Variants in XPOT observed in about 807,000 individuals in gnomAD.
XPOT encodes exportin for tRNA.
XPOT carries 34 observed loss-of-function variants against 128.2 expected under a neutral mutation model. That is an observed-to-expected ratio of 0.27 (90% CI 0.20 to 0.35). XPOT has a LOEUF of 0.35. Ranked by LOEUF, XPOT falls within the 10% of genes least tolerant of loss-of-function variation. The pLI, the probability that XPOT is intolerant of heterozygous loss-of-function variation, is 1.00. For synonymous variants in XPOT, 348 were observed against 394.3 expected (o/e 0.88, Z 1.39); for missense variants, 838 against 1,125.3 (o/e 0.74, Z 3.65).
chr12:64,444,034 TAAATG>T (rs1174647573), intron 23 of XPOT, among the ~76,000 whole-genome samples: 1 of 152,244 alleles, frequency 6.6e-6, no homozygotes, highest in African/African-American at 2.4e-5. Flanking sequence ...TCCAGATTGC[TAAATG>T]AAATAAAATT....
At chr12:64,412,237 G>C (rs1416188296) in intron 2 of XPOT, among the ~76,000 whole-genome samples, 1 of 151,986 alleles carries the variant, frequency 6.6e-6, no homozygotes, top group Non-Finnish European at 1.5e-5. Flanking sequence ...ATGTTGGTCA[G>C]GCTGGTCTCA....
At chr12:64,443,656 T>C (rs908032715) in intron 23 of XPOT, among the ~76,000 whole-genome samples, 3 of 152,060 alleles carry the variant, frequency 2.0e-5, no homozygotes, top group Admixed American at 2.0e-4. Flanking sequence ...GGTTCCACCA[T>C]GTTGGCTAGG....
Position 64,421,350 on chromosome 12 carries a change from A to G in XPOT, c.959A>G (p.Glu320Gly). ...AATGGGGATATTAAGAATGCTCAAGAGGCACTACAAGCTATTGAAACAAAA... is the reference window on the plus strand; with the variant it reads ...AATGGGGATATTAAGAATGCTCAAGGGGCACTACAAGCTATTGAAACAAAA... ...IKNGDIKNAQ[E>G]ALQAIETKVA... The change falls in exon 9 of 25, where the codon GAG (glutamate) becomes GGG (glycine). Residue 320 changes from glutamate (E) to glycine (G), a missense_variant. Physicochemically the swap from Glu to Gly is moderately conservative, Grantham distance 98. Coordinates refer to ENST00000332707, the MANE Select transcript of XPOT (RefSeq NM_007235.6). The G allele has an allele frequency of 1.2e-6, 2 of 1,613,970 alleles. No individual in the cohort carries two copies. Among genetic ancestry groups the G allele is most frequent in the South Asian group, 1.1e-5 (1 of 91,070 alleles).
At chr12:64,410,175 C>A in intron 2 of XPOT, 80 bp downstream of exon 2, 3 of 1,347,414 alleles carry the variant, frequency 2.2e-6, no homozygotes, top group Non-Finnish European at 3.1e-6. Context: ...ATGCACCTGG[C>A]AAAAGTTTAC....
At chr12:64,416,783 G>A in intron 4 of XPOT, 29 bp downstream of exon 4, 2 of 1,574,198 alleles carry the variant, frequency 1.3e-6, no homozygotes, top group Middle Eastern at 1.7e-4. Flanking sequence ...TTTTGACTCA[G>A]ATTTGCGGGG....
In XPOT at chr12:64,431,562, C is replaced by T. The variant is rs1199234725; in HGVS notation, c.2001C>T (p.Asn667=). Residue 667 remains asparagine, a synonymous_variant, in exon 18 of 25, where the codon AAC becomes AAT. Coordinates refer to ENST00000332707, the MANE Select transcript of XPOT (RefSeq NM_007235.6). ...FASRTSKAFS[N]KQTVKQCGCS... is the part of the protein sequence containing the mutation. ...GTCGAACCAGTAAAGCTTTCAGCAA[C>T]AAACAGACTGTGAAACAATGTGGCT... 6.2e-7 allele frequency: 1 copy of T among 1,613,854 alleles called. No individual in the cohort carries two copies. The highest frequency in any genetic ancestry group is 1.7e-5 in the Admixed American group (1 of 60,006).
At chr12:64,412,641 A>G (rs1329428162) in intron 2 of XPOT, among the ~76,000 whole-genome samples, 1 of 152,210 alleles carries the variant, frequency 6.6e-6, no homozygotes, top group East Asian at 1.9e-4. Flanking sequence ...CTGTTTTCCA[A>G]TACCAACAAC....
chr12:64,411,743 T>C (rs1179480737), intron 2 of XPOT, among the ~76,000 whole-genome samples: 1 of 152,182 alleles, frequency 6.6e-6, no homozygotes, highest in Admixed American at 6.5e-5. Context: ...GAAGAATGAC[T>C]GTCTGCCAAC....
At chr12:64,406,219 G>T (rs1472878259) in intron 1 of XPOT, among the ~76,000 whole-genome samples, 1 of 151,802 alleles carries the variant, frequency 6.6e-6, no homozygotes. Flanking sequence ...GGGATTACAG[G>T]CGCAGGCCAC....
rs1188068010 is a variant in XPOT, at chr12:64,428,083, T to C, written c.1700T>C (p.Leu567Ser). The C allele has an allele frequency of 6.3e-7, 1 of 1,576,168 alleles. No homozygotes were observed. Among genetic ancestry groups the C allele is most frequent in the South Asian group, 1.1e-5 (1 of 90,014 alleles). ...ATGAATCCTTTCATTGAGGATATTT[T>C]GAATAGAATACAAGATTTATTAGAG... ...KQMNPFIEDI[L>S]NRIQDLLELS... Residue 567 changes from leucine (L) to serine (S), a missense_variant, in exon 16 of 25, where the codon TTG becomes TCG. Physicochemically the swap from Leu to Ser is moderately radical, Grantham distance 145. Coordinates refer to ENST00000332707, the MANE Select transcript of XPOT (RefSeq NM_007235.6).
At chr12:64,438,659 G>A (rs932539181) in intron 22 of XPOT, among the ~76,000 whole-genome samples, 9 of 148,594 alleles carry the variant, frequency 6.1e-5, no homozygotes, top group African/African-American at 1.0e-4. Context: ...ACAGAGTCTC[G>A]CTCTGTCACC....
chr12:64,416,837 C>G (rs2040092059), intron 4 of XPOT, 83 bp downstream of exon 4: 1 of 1,194,762 alleles, frequency 8.4e-7, no homozygotes, highest in Non-Finnish European at 1.2e-6. Flanking sequence ...CATAAGGAAA[C>G]CATAATACAG....
At chr12:64,427,691 C>T (rs1166318374) in intron 15 of XPOT, among the ~76,000 whole-genome samples, 3 of 152,024 alleles carry the variant, frequency 2.0e-5, no homozygotes, top group Non-Finnish European at 2.9e-5. Context: ...ATCAGTCTCA[C>T]CACATTGCCC....
intron 3 of XPOT, 90 bp from the exon 4 acceptor site, chr12:64,416,608 T>C (rs993845224): frequency 9.8e-7 from 1 of 1,024,852 alleles, no homozygotes; most frequent in African/African-American, 1.6e-5. Context: ...TGAGAAACTT[T>C]TCTGCTGTAT....
intron 15 of XPOT, among the ~76,000 whole-genome samples, 156 bp downstream of exon 15, chr12:64,426,065 C>T (rs190370786): frequency 8.0e-4 from 122 of 152,094 alleles, no homozygotes; most frequent in African/African-American, 2.9e-3. Flanking sequence ...TGCCTATAAT[C>T]CCAACACTCT....
intron 1 of XPOT, 193 bp downstream of exon 1, chr12:64,404,997 C>G (rs542270248): frequency 1.3e-5 from 2 of 152,336 alleles, no homozygotes; most frequent in South Asian, 2.1e-4. Context: ...GGGCCGCCGC[C>G]GAGGAGCGCG....
Position 64,425,061 on chromosome 12 carries a change from T to A in XPOT, c.1331T>A (p.Met444Lys). The part of the protein sequence containing the change: ...TLQNWQTTRF[M>K]EVEVAIRLLY... Reference sequence around the variant, plus strand: ...AGGAATTGGCAGACTACACGGTTTATGGAAGTTGAAGTAGCAATAAGATTG... The same window carrying A: ...AGGAATTGGCAGACTACACGGTTTAAGGAAGTTGAAGTAGCAATAAGATTG... The change falls in exon 13 of 25, where the codon ATG becomes AAG. Residue 444 changes from methionine (M) to lysine (K), a missense_variant. Coordinates refer to ENST00000332707, the MANE Select transcript of XPOT (RefSeq NM_007235.6). The A allele has an allele frequency of 6.2e-7, 1 of 1,612,850 alleles. No homozygotes were observed. The highest frequency in any genetic ancestry group is 1.3e-5 in the African/African-American group (1 of 75,036).
intron 4 of XPOT, 79 bp downstream of exon 4, chr12:64,416,833 G>A: frequency 1.6e-6 from 2 of 1,255,838 alleles, no homozygotes; most frequent in South Asian, 1.3e-5. Context: ...CTTCCATAAG[G>A]AAACCATAAT....
At chr12:64,434,999 TG>T in intron 21 of XPOT, 90 bp downstream of exon 21, 1 of 1,135,910 alleles carries the variant, frequency 8.8e-7, no homozygotes, top group Non-Finnish European at 1.3e-6. Context: ...TATGTTTCAT[TG>T]ATTTTTTTTT....
Sources: allele counts gnomAD v4.1 joint callset (sites outside exome capture counted in the v4.1 genomes callset), GRCh38; gene constraint gnomAD v4.1.1; transcripts MANE v1.5; gene names NCBI Gene and HGNC (gene_info 2026-07-23, HGNC 2026-07-21).